The following AKR1B15 variants were observed in gnomAD, a reference collection of about 807,000 sequenced individuals.
AKR1B15 encodes estradiol 17-beta-dehydrogenase AKR1B15.
A neutral mutation model predicts 38.5 loss-of-function variants in AKR1B15; 49 were observed. That is an observed-to-expected ratio of 1.27 (90% confidence interval 1.01 to 1.62). AKR1B15 has a LOEUF of 1.62. AKR1B15 is among the 40% of genes most tolerant of loss of function. AKR1B15 has a pLI of 0.00. For missense variants in AKR1B15, 411 were observed against 381.6 expected, an observed-to-expected ratio of 1.08 and a Z score of -0.64; for synonymous variants, 137 against 135.5, an observed-to-expected ratio of 1.01 and a Z score of -0.08.
intron 2 of AKR1B15, among the ~76,000 whole-genome samples, chr7:134,560,591 T>A (rs757736638): frequency 1.6e-4 from 24 of 152,224 alleles, no homozygotes; most frequent in Non-Finnish European, 3.1e-4. Context: ...GCTAAGTGGT[T>A]CTAGAAGGAA....
intron 6 of AKR1B15, 148 bp from the exon 7 acceptor site, chr7:134,575,272 G>T: frequency 7.5e-7 from 1 of 1,333,512 alleles, no homozygotes; most frequent in Non-Finnish European, 1.0e-6. Context: ...TGGGCACCCA[G>T]GCCCTGGACT....
chr7:134,550,867 T>A (rs1344055404), intron 1 of AKR1B15, among the ~76,000 whole-genome samples: 1 of 152,152 alleles, frequency 6.6e-6, no homozygotes, highest in Non-Finnish European at 1.5e-5. Flanking sequence ...TGGAACTGGG[T>A]GGCCCCCAGA....
chr7:134,564,733 TAC>T lies in AKR1B15; in HGVS notation c.116_117del (p.Thr39LysfsTer26), dbSNP rs1295675877. 2 of 694,670 alleles carry T rather than the reference TAC, an allele frequency of 2.9e-6. No individual in the cohort carries two copies. The highest frequency in any genetic ancestry group is 3.1e-5 in the South Asian group (2 of 65,440). 43.0% of individuals were successfully genotyped at this position (694,670 alleles called of 1,614,324 possible). On this transcript the variant is annotated frameshift_variant, in exon 3 of 12. Coordinates refer to ENST00000457545, the MANE Select transcript of AKR1B15 (RefSeq NM_001080538.3). LOFTEE classifies it high-confidence loss of function. ...GLKSSLLKDT[T>X]SAGPLLRPYP... The stretch of plus-strand genomic sequence containing the variant: ...TAAAGAGTTCCCTTCTGAAGGACAC[TAC>T]AAGTGCAGGGCCCCTTCTTCGCCCC...
At chr7:134,577,940 T>A (rs1191404323) in intron 11 of AKR1B15, among the ~76,000 whole-genome samples, 154 bp downstream of exon 11, 1 of 152,190 alleles carries the variant, frequency 6.6e-6, no homozygotes, top group Non-Finnish European at 1.5e-5. Context: ...TACCTGGGAA[T>A]CACTGTAAGG....
intron 2 of AKR1B15, among the ~76,000 whole-genome samples, chr7:134,559,226 G>A (rs1251886391): frequency 1.3e-5 from 2 of 152,112 alleles, no homozygotes; most frequent in East Asian, 3.8e-4. Context: ...AGATGAGCAA[G>A]GTCAAAAGAA....
At chr7:134,567,790 G>A (rs41413150) in intron 3 of AKR1B15, among the ~76,000 whole-genome samples, 11,061 of 152,244 alleles carry the variant, frequency 0.073, 650 homozygotes, top group East Asian at 0.3. Flanking sequence ...GACATTTCAG[G>A]ACTAACCTGG....
chr7:134,564,759 C>G lies in AKR1B15; in HGVS notation c.140C>G (p.Pro47Arg). The G allele has an allele frequency of 1.5e-6, 1 of 682,230 alleles. No individual in the cohort carries two copies. The highest frequency in any genetic ancestry group is 2.7e-5 in the East Asian group (1 of 36,664). 42.3% of individuals were successfully genotyped at this position (682,230 alleles called of 1,614,324 possible). The change falls in exon 3 of 12, where the codon CCC (proline) becomes CGC (arginine). Residue 47 changes from proline to arginine, a missense_variant. Physicochemically the swap from Pro to Arg is moderately radical, Grantham distance 103 (BLOSUM62 -2). Coordinates refer to ENST00000457545, the MANE Select transcript of AKR1B15 (RefSeq NM_001080538.3). ...DTTSAGPLLRPYPASLLGKVK... is the reference protein window; with the variant it reads ...DTTSAGPLLRRYPASLLGKVK... ...ACAAGTGCAGGGCCCCTTCTTCGCC[C>G]CTATCCAGCAGTAAGTGGCTAGAGA...
At position 134,551,088 on chromosome 7, in the gene AKR1B15, A is replaced by AG. The variant is rs572990641; in HGVS notation, c.-147+1840dup. On this transcript the variant is annotated intron_variant, in intron 1 of 11. Transcript: ENST00000457545. ...AGACCTCACTTTTGCCTCCACCCTC[A>AG]GCTCCCTCGATTCCTCCTGTACTGC... Among the ~76,000 whole-genome samples the AG allele has an allele frequency of 2.6e-5, 4 of 152,192 alleles. No homozygotes were observed. In the East Asian group the frequency reaches 7.7e-4, roughly 29 times the overall value.
At position 134,576,963 on chromosome 7, in the gene AKR1B15, G is replaced by T. The variant is rs1223232551; in HGVS notation, c.826G>T (p.Val276Phe). The T allele has an allele frequency of 3.7e-6, 6 of 1,613,234 alleles. No homozygotes were observed. The highest frequency in any genetic ancestry group is 4.2e-6 in the Non-Finnish European group (5 of 1,179,356). ...AACATGATGTCCCCTTTCTGCACAG[G>T]TTCTGATCCGTTTCCATATCCAGAG... is the stretch of plus-strand genomic sequence containing the variant. ...AAKHKKTTAQ[V>F]LIRFHIQRNV... Residue 276 changes from valine (V) to phenylalanine (F), a missense_variant and splice_region_variant, in exon 10 of 12, where the codon GTT becomes TTT. Around this residue, in one of 3 missense-constraint regions of AKR1B15, gnomAD observed 133 missense variants for 120.3 expected, o/e 1.11. Transcript: ENST00000457545.
In AKR1B15 at chr7:134,568,286, G is replaced by A. The variant is rs370337877; in HGVS notation, c.279G>A (p.Glu93=). ...VGEAIQEKIQ[E]KAVMREDLFI... ...AAGCCATCCAAGAGAAGATCCAAGA[G>A]AAGGCTGTGATGCGGGAGGACCTGT... is the stretch of plus-strand genomic sequence containing the variant. The change falls in exon 4 of 12, where the codon GAG becomes GAA. Residue 93 remains glutamate, a synonymous_variant. Transcript: ENST00000457545. 103 of 1,614,042 alleles carry A rather than the reference G, an allele frequency of 6.4e-5. No individual in the cohort carries two copies. Among genetic ancestry groups the A allele is most frequent in the Non-Finnish European group, 8.4e-5 (99 of 1,180,012 alleles).
chr7:134,579,130 T>C (rs959712649), intron 11 of AKR1B15, among the ~76,000 whole-genome samples: 5 of 152,198 alleles, frequency 3.3e-5, no homozygotes, highest in Non-Finnish European at 7.3e-5. Context: ...TCCTGAGCCC[T>C]TTTCCGGTGG....
intron 5 of AKR1B15, among the ~76,000 whole-genome samples, chr7:134,571,206 A>G (rs536363023): frequency 6.6e-6 from 1 of 152,288 alleles, no homozygotes; most frequent in South Asian, 2.1e-4. Flanking sequence ...CCTCTTCTAG[A>G]GGCTGCAAGG....
chr7:134,579,494 T>A lies in AKR1B15; in HGVS notation c.993-13T>A. Reference sequence around the variant, plus strand: ...GGAACACAGTTTCTTTTTTTTTTTCTCTCTCTCTGTAGATTCTCTCATTTG... The same window carrying A: ...GGAACACAGTTTCTTTTTTTTTTTCACTCTCTCTGTAGATTCTCTCATTTG... On this transcript the variant is annotated splice_polypyrimidine_tract_variant and intron_variant, in intron 11 of 11. Coordinates refer to ENST00000457545, the MANE Select transcript of AKR1B15 (RefSeq NM_001080538.3). The A allele has an allele frequency of 6.4e-7, 1 of 1,553,696 alleles. No homozygotes were observed. The highest frequency in any genetic ancestry group is 8.7e-7 in the Non-Finnish European group (1 of 1,154,742).
chr7:134,566,528 C>A (rs1466459317), intron 3 of AKR1B15, among the ~76,000 whole-genome samples: 1 of 152,140 alleles, frequency 6.6e-6, no homozygotes, highest in Non-Finnish European at 1.5e-5. Flanking sequence ...GGTTCCTGGG[C>A]CTCTGTTAGG....
rs981374491 is a variant in AKR1B15 at position 134,573,295 on chromosome 7, T to G, written c.513+1614T>G. The stretch of plus-strand genomic sequence containing the variant: ...ATCCACCCGTCTCAGCCTCCCAAAG[T>G]GTTCAGATTACAGGCGTGAGCTATA... On this transcript the variant is annotated intron_variant, in intron 6 of 11. Transcript: ENST00000457545. The G allele has an allele frequency of 1.8e-5, 16 of 886,068 alleles. No homozygotes were observed. The African/African-American group carries it at 2.7e-4, about 15-fold the overall frequency. 54.9% of individuals were successfully genotyped at this position (886,068 alleles called of 1,614,324 possible).
At chr7:134,562,250 G>T (rs1418703119) in intron 2 of AKR1B15, among the ~76,000 whole-genome samples, 1 of 152,210 alleles carries the variant, frequency 6.6e-6, no homozygotes, top group Non-Finnish European at 1.5e-5. Context: ...CAGACCCAAA[G>T]AGTGAGCAGC....
Position 134,577,787 on chromosome 7 carries a change from G to C in AKR1B15, c.992+1G>C, listed in dbSNP as rs369334141. The C allele has an allele frequency of 3.2e-5, 52 of 1,613,702 alleles. No individual in the cohort carries two copies. The highest frequency in any genetic ancestry group is 4.2e-5 in the Non-Finnish European group (49 of 1,179,884). ...ACTGGAGGGCCTTTGACTTCAAGGA[G>C]TAAGTGGCATGGAGTTAACTAGAAG... On this transcript the variant is annotated splice_donor_variant, in intron 11 of 11. Coordinates refer to ENST00000457545, the MANE Select transcript of AKR1B15 (RefSeq NM_001080538.3). LOFTEE classifies it high-confidence loss of function.
At chr7:134,570,875 G>T (rs1794654093) in intron 5 of AKR1B15, among the ~76,000 whole-genome samples, 1 of 152,226 alleles carries the variant, frequency 6.6e-6, no homozygotes, top group South Asian at 2.1e-4. Context: ...ATTTCTGGCA[G>T]CCCAGACAAG....
chr7:134,557,015 T>C (rs1213096229), intron 2 of AKR1B15, among the ~76,000 whole-genome samples, 156 bp downstream of exon 2: 1 of 152,200 alleles, frequency 6.6e-6, no homozygotes, highest in East Asian at 1.9e-4. Flanking sequence ...AAAGTTGTTG[T>C]TTCTATGCCA....
Sources: gnomAD v4.1 joint callset for allele counts (sites outside exome capture counted in the v4.1 genomes callset) on GRCh38, gnomAD v4.1.1 for gene constraint, gnomAD v4.1.1 regional missense constraint, MANE v1.5 for transcripts, NCBI Gene and HGNC (gene_info 2026-07-23, HGNC 2026-07-21) for gene names.